Variants in KALRN observed in about 807,000 individuals in gnomAD.
KALRN encodes the protein kalirin.
In KALRN, 70 loss-of-function variants were observed where a neutral mutation model predicts 353.7. That is an observed-to-expected ratio of 0.20 (90% CI 0.16 to 0.24). KALRN has a LOEUF of 0.24. Among genes scored for constraint, KALRN ranks in the 10% least tolerant of loss-of-function variants. The pLI, the probability that KALRN is intolerant of heterozygous loss-of-function variation, is 1.00. For synonymous variants in KALRN, 1,391 were observed against 1,434.8 expected (o/e 0.97, Z 0.69); for missense variants, 2,791 against 3,756.7 (o/e 0.74, Z 6.72).
intron 33 of KALRN, chr3:124,519,176 G>A (rs970930999): frequency 1.8e-5 from 18 of 984,948 alleles, no homozygotes; most frequent in Non-Finnish European, 1.8e-5. Context: ...TTTGCTTCAG[G>A]TTATCCTGTT....
intron 3 of KALRN, among the ~76,000 whole-genome samples, chr3:124,241,263 G>A (rs192257742): frequency 2.0e-5 from 3 of 152,080 alleles, no homozygotes; most frequent in Non-Finnish European, 1.5e-5. Context: ...TACTTTTCTT[G>A]TTTTTGAGCT....
intron 17 of KALRN, among the ~76,000 whole-genome samples, chr3:124,435,411 C>T (rs1478414400): frequency 6.6e-5 from 10 of 152,216 alleles, no homozygotes; most frequent in Admixed American, 5.9e-4. Context: ...ACCCTTTCAT[C>T]TGTACAGCAA....
chr3:124,659,594 A>C (rs2084553198), intron 43 of KALRN, 137 bp downstream of exon 43: 1 of 618,130 alleles, frequency 1.6e-6, no homozygotes, highest in East Asian at 2.7e-5. Flanking sequence ...GAGGGGTGGT[A>C]GGGACGTGGG....
At chr3:124,392,459 G>A (rs2089540140) in intron 11 of KALRN, among the ~76,000 whole-genome samples, 1 of 151,646 alleles carries the variant, frequency 6.6e-6, no homozygotes, top group South Asian at 2.1e-4. Flanking sequence ...TACTGATAAA[G>A]AAAGCCAAGG....
chr3:124,148,825 G>A (rs2149866666), intron 1 of KALRN, among the ~76,000 whole-genome samples: 1 of 152,194 alleles, frequency 6.6e-6, no homozygotes, highest in Non-Finnish European at 1.5e-5. Flanking sequence ...AATGATTTAT[G>A]TTTTTATTTC....
At chr3:124,160,590 C>T (rs748418764) in intron 1 of KALRN, among the ~76,000 whole-genome samples, 4 of 151,666 alleles carry the variant, frequency 2.6e-5, no homozygotes, top group Non-Finnish European at 5.9e-5. Context: ...TTTTCTGGGC[C>T]ATCAGGCAGC....
chr3:124,701,912 C>CTG (rs2062360262), intron 56 of KALRN, 126 bp from the exon 57 acceptor site: 1 of 645,490 alleles, frequency 1.5e-6, no homozygotes, highest in Admixed American at 2.5e-5. Flanking sequence ...CATTTTCCCA[C>CTG]TGAGTCAGAC....
chr3:124,605,995 C>A (rs984835202), intron 34 of KALRN, among the ~76,000 whole-genome samples: 1 of 152,164 alleles, frequency 6.6e-6, no homozygotes, highest in African/African-American at 2.4e-5. Context: ...AAACCTACTT[C>A]TGATTAACCA....
intron 34 of KALRN, among the ~76,000 whole-genome samples, chr3:124,575,206 C>T (rs2073972843): frequency 6.6e-6 from 1 of 152,220 alleles, no homozygotes; most frequent in Non-Finnish European, 1.5e-5. Context: ...CAGCCAGAAT[C>T]TTGATTCTCA....
At chr3:124,516,306 C>G (rs1196482650) in intron 33 of KALRN, among the ~76,000 whole-genome samples, 1 of 152,138 alleles carries the variant, frequency 6.6e-6, no homozygotes, top group Non-Finnish European at 1.5e-5. Context: ...TGGTTCAGAT[C>G]TCACCCCCTC....
intron 10 of KALRN, among the ~76,000 whole-genome samples, chr3:124,354,963 C>T (rs1420019103): frequency 2.6e-5 from 4 of 152,152 alleles, no homozygotes; most frequent in African/African-American, 9.7e-5. Context: ...TCTGCTCCAT[C>T]AAATGGAAGA....
chr3:124,254,863 C>G (rs1258798317), intron 3 of KALRN, among the ~76,000 whole-genome samples: 1 of 152,164 alleles, frequency 6.6e-6, no homozygotes, highest in African/African-American at 2.4e-5. Context: ...CCTCCCCTGG[C>G]TGCAGTGGAG....
intron 1 of KALRN, among the ~76,000 whole-genome samples, chr3:124,093,289 C>G (rs2061234132): frequency 6.6e-6 from 1 of 152,186 alleles, no homozygotes; most frequent in Non-Finnish European, 1.5e-5. Context: ...TGATGGAGAC[C>G]AGGAGGCCTG....
intron 36 of KALRN, among the ~76,000 whole-genome samples, chr3:124,634,222 G>T (rs1430630982): frequency 6.6e-6 from 1 of 151,966 alleles, no homozygotes; most frequent in Non-Finnish European, 1.5e-5. Flanking sequence ...AAGGGTAATG[G>T]CTCTGTCTTT....
intron 1 of KALRN, among the ~76,000 whole-genome samples, chr3:124,220,384 CTG>C (rs58232103): frequency 0.024 from 3,551 of 150,358 alleles, 117 homozygotes; most frequent in African/African-American, 0.077. Flanking sequence ...CTCTCTCTTT[CTG>C]TGTGTGTGTG....
Position 124,438,987 on chromosome 3 carries a change from G to A in KALRN, c.3148G>A (p.Val1050Ile). ...KLGPAAEIDH[V>I]IPLISKHLEQ... ...GGGGCCAGCAGCAGAGATCGACCATGTCATTCCCCTCATCAGCAAACATTT... is the reference window on the plus strand; with the variant it reads ...GGGGCCAGCAGCAGAGATCGACCATATCATTCCCCTCATCAGCAAACATTT... The change falls in exon 18 of 60, where the codon GTC (valine) becomes ATC (isoleucine). Residue 1050 changes from valine (V) to isoleucine (I), a missense_variant. Transcript: ENST00000682506. The A allele has an allele frequency of 6.2e-7, 1 of 1,614,144 alleles. No homozygotes were observed. Among genetic ancestry groups the A allele is most frequent in the Non-Finnish European group, 8.5e-7 (1 of 1,180,026 alleles).
At chr3:124,313,733 G>A (rs147827257) in intron 6 of KALRN, among the ~76,000 whole-genome samples, 37 of 152,276 alleles carry the variant, frequency 2.4e-4, no homozygotes, top group African/African-American at 8.4e-4. Context: ...TGATTTAACC[G>A]TACTGTGGTG....
chr3:124,140,034 T>C lies in KALRN; in HGVS notation c.74-87956T>C, dbSNP rs78496740. ...CATATGGTAGTTCCACCAGCAGAGT[T>C]ATCTCTCTTGTGACTTCTTTTATCT... On this transcript the variant is annotated intron_variant, in intron 1 of 59. Coordinates refer to ENST00000682506, the MANE Select transcript of KALRN (RefSeq NM_001388419.1). Among the ~76,000 whole-genome samples the C allele has an allele frequency of 7.6e-3, 1,164 of 152,304 alleles. 12 individuals are homozygous for C. Among genetic ancestry groups the C allele is most frequent in the Non-Finnish European group, 0.013 (899 of 68,016 alleles).
chr3:124,531,919 C>T (rs1306171701), intron 33 of KALRN, among the ~76,000 whole-genome samples: 6 of 152,182 alleles, frequency 3.9e-5, no homozygotes, highest in Admixed American at 6.5e-5. Flanking sequence ...TCAGTGCTAA[C>T]GTCAATGTTT....
Sources: allele counts gnomAD v4.1 joint callset (sites outside exome capture counted in the v4.1 genomes callset), GRCh38; gene constraint gnomAD v4.1.1; transcripts MANE v1.5; gene names NCBI Gene and HGNC (gene_info 2026-07-23, HGNC 2026-07-21).